FER: variants seen among roughly 807,000 people sequenced by gnomAD.
FER encodes FER tyrosine kinase.
A neutral mutation model predicts 111.0 loss-of-function variants in FER; 63 were observed. The ratio of observed to expected loss-of-function variants is 0.57; its 90% CI spans 0.46 to 0.70. FER has a LOEUF of 0.70. FER is among the 30% of genes least tolerant of loss of function. The pLI, the probability that FER is intolerant of heterozygous loss-of-function variation, is 0.00. For synonymous variants in FER, 327 were observed against 313.9 expected (o/e 1.04, Z -0.44); for missense variants, 914 against 954.0 (o/e 0.96, Z 0.55).
At chr5:108,794,424 G>A (rs1188263123) in intron 2 of FER, among the ~76,000 whole-genome samples, 1 of 151,608 alleles carries the variant, frequency 6.6e-6, no homozygotes, top group African/African-American at 2.4e-5. Context: ...TCACCATGTT[G>A]GCCAGGCTGG....
At chr5:109,011,558 C>CT (rs1197231898) in intron 13 of FER, among the ~76,000 whole-genome samples, 1 of 152,166 alleles carries the variant, frequency 6.6e-6, no homozygotes, top group African/African-American at 2.4e-5. Flanking sequence ...GAGCTAGCCT[C>CT]TTTGAGTTTT....
At chr5:109,037,152 A>G (rs1462793763) in intron 13 of FER, among the ~76,000 whole-genome samples, 1 of 152,064 alleles carries the variant, frequency 6.6e-6, no homozygotes, top group African/African-American at 2.4e-5. Context: ...TGGAAAGTAC[A>G]TGCTGTGCTC....
intron 3 of FER, 103 bp from the exon 4 acceptor site, chr5:108,832,667 A>G: frequency 1.3e-6 from 1 of 766,860 alleles, no homozygotes; most frequent in African/African-American, 1.8e-5. Flanking sequence ...TATTAATGTA[A>G]TAATTTACAT....
At chr5:109,109,988 G>T (rs1481984245) in intron 17 of FER, among the ~76,000 whole-genome samples, 2 of 152,072 alleles carry the variant, frequency 1.3e-5, no homozygotes, top group Non-Finnish European at 2.9e-5. Context: ...TGTTAACAAG[G>T]TTGAATCCTT....
At chr5:108,809,756 T>C (rs1757558729) in intron 3 of FER, among the ~76,000 whole-genome samples, 1 of 152,148 alleles carries the variant, frequency 6.6e-6, no homozygotes, top group Admixed American at 6.5e-5. Context: ...AGAGATGGGA[T>C]ATTACCATAT....
intron 2 of FER, among the ~76,000 whole-genome samples, chr5:108,778,046 T>A (rs1423992605): frequency 6.6e-6 from 1 of 152,196 alleles, no homozygotes; most frequent in African/African-American, 2.4e-5. Flanking sequence ...TAGGTATAAT[T>A]GTGTCATATA....
intron 13 of FER, among the ~76,000 whole-genome samples, chr5:108,992,325 T>C (rs1649309573): frequency 1.3e-5 from 2 of 152,208 alleles, no homozygotes; most frequent in Non-Finnish European, 2.9e-5. Context: ...TTTCCCCACC[T>C]TTACCCCCTT....
At chr5:108,969,469 AAG>A (rs1394200720) in intron 13 of FER, among the ~76,000 whole-genome samples, 3 of 152,158 alleles carry the variant, frequency 2.0e-5, no homozygotes, top group African/African-American at 7.2e-5. Flanking sequence ...GTATGATTAT[AAG>A]TCTGATTTTG....
intron 5 of FER, among the ~76,000 whole-genome samples, chr5:108,866,614 G>A (rs1580952932): frequency 6.6e-6 from 1 of 151,706 alleles, no homozygotes; most frequent in East Asian, 1.9e-4. Flanking sequence ...AGAAACTGAT[G>A]CCTTGACACC....
At chr5:108,939,536 C>T (rs1360264321) in intron 10 of FER, among the ~76,000 whole-genome samples, 2 of 152,004 alleles carry the variant, frequency 1.3e-5, no homozygotes, top group Non-Finnish European at 2.9e-5. Flanking sequence ...GTATGGACTT[C>T]ATTCTCAGGC....
intron 13 of FER, among the ~76,000 whole-genome samples, chr5:108,966,339 T>G (rs922170319): frequency 2.6e-5 from 4 of 152,046 alleles, no homozygotes; most frequent in Non-Finnish European, 5.9e-5. Flanking sequence ...TTGCCTGATA[T>G]TCACCATTTC....
At chr5:108,985,327 G>C (rs1340421640) in intron 13 of FER, among the ~76,000 whole-genome samples, 2 of 152,078 alleles carry the variant, frequency 1.3e-5, no homozygotes, top group Non-Finnish European at 2.9e-5. Context: ...ACAGTAAATA[G>C]TAATATAAAT....
intron 2 of FER, among the ~76,000 whole-genome samples, chr5:108,786,557 G>C (rs1754739928): frequency 6.6e-6 from 1 of 152,120 alleles, no homozygotes. Context: ...CTGGAGTGCA[G>C]TGATGCGAGG....
chr5:109,123,068 A>G (rs1751197615), intron 17 of FER, among the ~76,000 whole-genome samples: 1 of 150,532 alleles, frequency 6.6e-6, no homozygotes, highest in Admixed American at 6.6e-5. Flanking sequence ...TTTATATTCA[A>G]TGTTATTGTT....
At chr5:108,795,692 A>G (rs1034411132) in intron 2 of FER, among the ~76,000 whole-genome samples, 4 of 152,172 alleles carry the variant, frequency 2.6e-5, no homozygotes, top group Admixed American at 1.3e-4. Flanking sequence ...TTTCAACTCT[A>G]GAATTTGTGC....
At chr5:109,017,824 C>G (rs1767383563) in intron 13 of FER, among the ~76,000 whole-genome samples, 1 of 151,836 alleles carries the variant, frequency 6.6e-6, no homozygotes, top group Admixed American at 6.6e-5. Flanking sequence ...ATTCACAAAA[C>G]CTACTTGTTT....
chr5:109,043,346 T>C (rs934848083), intron 14 of FER, among the ~76,000 whole-genome samples: 1 of 152,184 alleles, frequency 6.6e-6, no homozygotes. Flanking sequence ...GAATAACAGA[T>C]GTGAAGCTCA....
Position 109,196,408 on chromosome 5 carries a change from T to TAAG in FER, c.*8833_*8834insAAG, listed in dbSNP as rs1562025760. On this transcript the variant is annotated 3_prime_UTR_variant, in exon 20 of 20. Transcript: ENST00000281092. Reference sequence around the variant, plus strand: ...AGGCTAAAGCACCTTTAATCATTTTTGTTGTTTTAAGATAATGTATTTGTG... The same window carrying TAAG: ...AGGCTAAAGCACCTTTAATCATTTTTAAGGTTGTTTTAAGATAATGTATTTGTG... 1 of 152,210 alleles carries TAAG rather than the reference T, an allele frequency of 6.6e-6. No individual in the cohort carries two copies. The highest frequency in any genetic ancestry group is 1.5e-5 in the Non-Finnish European group (1 of 68,026). The allele number at this position is 152,210 out of a possible 1,614,324, so 9.4% of individuals were successfully genotyped here.
intron 13 of FER, among the ~76,000 whole-genome samples, chr5:109,021,207 ATTTAGAT>A (rs1295646121): frequency 6.6e-6 from 1 of 151,960 alleles, no homozygotes; most frequent in African/African-American, 2.4e-5. Flanking sequence ...TAATTAATAA[ATTTAGAT>A]TTTAGCCGGT....
Sources: gnomAD v4.1 joint callset for allele counts (sites outside exome capture counted in the v4.1 genomes callset) on GRCh38, gnomAD v4.1.1 for gene constraint, MANE v1.5 for transcripts, NCBI Gene and HGNC (gene_info 2026-07-23, HGNC 2026-07-21) for gene names.